ADGRE3: variants seen among roughly 807,000 people sequenced by gnomAD.
ADGRE3 encodes EGF-like module receptor 3.
A neutral mutation model predicts 80.1 loss-of-function variants in ADGRE3; 88 were observed. The observed-to-expected ratio is 1.10, with a 90% CI of 0.93 to 1.31. The LOEUF (loss-of-function observed/expected upper bound fraction) is 1.31, where lower values mean the gene tolerates loss of function less well. ADGRE3 is among the 40% of genes most tolerant of loss of function. The probability of loss-of-function intolerance (pLI) is 0.00; values close to 1 mark genes in which losing one functional copy is unlikely to be tolerated. For missense variants in ADGRE3, 715 were observed against 776.5 expected, an observed-to-expected ratio of 0.92 and a Z score of 0.94; for synonymous variants, 281 against 294.8, an observed-to-expected ratio of 0.95 and a Z score of 0.48.
At chr19:14,628,797 G>A in intron 14 of ADGRE3, 1 of 247,260 alleles carries the variant, frequency 4.0e-6, no homozygotes, top group South Asian at 4.8e-5. Context: ...GTTTGGGACA[G>A]TGACAGCTTT....
At chr19:14,651,281 G>C in intron 6 of ADGRE3, 77 bp from the exon 7 acceptor site, 1 of 1,505,320 alleles carries the variant, frequency 6.6e-7, no homozygotes, top group Admixed American at 1.7e-5. Context: ...AGGACATGGT[G>C]GTGCATGCCT....
At chr19:14,618,800 C>CA (rs1454538575), downstream of ADGRE3, among the ~76,000 whole-genome samples, 1 of 136,038 alleles carries the variant, frequency 7.4e-6, no homozygotes, top group African/African-American at 2.7e-5. Flanking sequence ...AGGTTGCACT[C>CA]ACGCCGTTGC....
the ADGRE3 span, among the ~76,000 whole-genome samples, chr19:14,605,959 C>T: frequency 1.3e-5 from 2 of 152,012 alleles, no homozygotes; most frequent in Non-Finnish European, 1.5e-5. Context: ...AGACTAATCT[C>T]GAACTCCTAG....
intron 8 of ADGRE3, among the ~76,000 whole-genome samples, chr19:14,645,016 G>A (rs960424666): frequency 6.6e-6 from 1 of 152,230 alleles, no homozygotes; most frequent in East Asian, 1.9e-4. Context: ...ATGAGCCGCT[G>A]TACCTGATTT....
rs1555755785 is a variant in ADGRE3 at position 14,636,081 on chromosome 19, C to CTTTCTTTTTCTTTCTTT, written c.1484+2023_1484+2024insAAAGAAAGAAAAAGAAA. Among the ~76,000 whole-genome samples, 22 of 24,680 alleles carry CTTTCTTTTTCTTTCTTT rather than the reference C, an allele frequency of 8.9e-4. 2 individuals are homozygous for CTTTCTTTTTCTTTCTTT. The highest frequency in any genetic ancestry group is 2.3e-3 in the South Asian group (1 of 442). 16.2% of individuals were successfully genotyped at this position (24,680 alleles called of 152,430 possible). ...CCTTCCTTTCCTTTCCTTTCCTTTC[C>CTTTCTTTTTCTTTCTTT]CTTTCTTTCTTTCTTTCTTTCTTTC... On this transcript the variant is annotated intron_variant, in intron 11 of 15. Coordinates refer to ENST00000253673, the MANE Select transcript of ADGRE3 (RefSeq NM_032571.5).
At chr19:14,647,410 C>CTTT (rs35043921) in intron 7 of ADGRE3, 45 bp from the exon 8 acceptor site, 288 of 940,974 alleles carry the variant, frequency 3.1e-4, no homozygotes, top group Middle Eastern at 3.7e-4. Context: ...TCTTTTCTTT[C>CTTT]TTTTTTTTTT....
chr19:14,617,019 TCCTGA>T (rs144410276), downstream of ADGRE3, among the ~76,000 whole-genome samples: 13,115 of 151,916 alleles, frequency 0.086, 600 homozygotes, highest in Non-Finnish European at 0.095. Context: ...GGTCTCGAAC[TCCTGA>T]CCTCAGGTGA....
chr19:14,615,861 G>A (rs1364279636), downstream of ADGRE3, among the ~76,000 whole-genome samples: 3 of 151,928 alleles, frequency 2.0e-5, no homozygotes, highest in African/African-American at 7.2e-5. Context: ...CTGGGTTCAA[G>A]CAATCCTCCC....
the ADGRE3 span, among the ~76,000 whole-genome samples, chr19:14,604,432 G>A: frequency 2.0e-5 from 3 of 152,068 alleles, no homozygotes; most frequent in Admixed American, 2.0e-4. Context: ...TATAACGACA[G>A]AAATATTTTC....
At chr19:14,619,086 G>A, downstream of ADGRE3, 1 of 299,830 alleles carries the variant, frequency 3.3e-6, no homozygotes, top group South Asian at 3.0e-5. Flanking sequence ...GGGTGACAGA[G>A]TGAAACTCTG....
intron 4 of ADGRE3, among the ~76,000 whole-genome samples, chr19:14,660,636 A>G (rs1971920725): frequency 6.6e-6 from 1 of 151,684 alleles, no homozygotes; most frequent in African/African-American, 2.4e-5. Context: ...AAAAAAAAAA[A>G]AAGTTTCTCT....
chr19:14,641,956 A>G (rs11881538), intron 9 of ADGRE3, among the ~76,000 whole-genome samples: 99,160 of 151,940 alleles, frequency 0.65, 32,473 homozygotes, highest in East Asian at 0.74. Flanking sequence ...TATTAAATGT[A>G]TACACTTTGA....
chr19:14,642,686 C>T (rs1435510471), intron 9 of ADGRE3, among the ~76,000 whole-genome samples: 1 of 152,144 alleles, frequency 6.6e-6, no homozygotes, highest in Non-Finnish European at 1.5e-5. Flanking sequence ...GTTTTCTGTT[C>T]CTGTGTTAGT....
intron 5 of ADGRE3, among the ~76,000 whole-genome samples, chr19:14,656,384 A>G (rs1282481073): frequency 6.6e-6 from 1 of 151,616 alleles, no homozygotes; most frequent in Admixed American, 6.6e-5. Flanking sequence ...AGAAAAAAAA[A>G]AAAGAAAGTA....
intron 14 of ADGRE3, among the ~76,000 whole-genome samples, chr19:14,625,873 C>A (rs190244195): frequency 1.3e-3 from 198 of 151,956 alleles, no homozygotes; most frequent in Non-Finnish European, 2.3e-3. Context: ...ATATGAGGTA[C>A]CTAAAGTAGT....
intron 13 of ADGRE3, among the ~76,000 whole-genome samples, chr19:14,630,661 A>C (rs1312740329): frequency 6.6e-6 from 1 of 151,736 alleles, no homozygotes. Context: ...AGATCCACCC[A>C]TCTTGGCCTC....
chr19:14,644,402 C>T (rs147713173), intron 8 of ADGRE3, 127 bp from the exon 9 acceptor site: 7,656 of 567,796 alleles, frequency 0.013, 84 homozygotes, highest in Non-Finnish European at 0.018. Flanking sequence ...CTCACTGCAA[C>T]CTCCGCTTCC....
At chr19:14,631,060 A>T (rs2894655) in intron 13 of ADGRE3, among the ~76,000 whole-genome samples, 21 of 151,984 alleles carry the variant, frequency 1.4e-4, no homozygotes, top group South Asian at 1.2e-3. Flanking sequence ...TTAGTAGAGA[A>T]GGGGTTTCAC....
At chr19:14,651,031 C>A in intron 7 of ADGRE3, 54 bp downstream of exon 7, 1 of 1,604,708 alleles carries the variant, frequency 6.2e-7, no homozygotes, top group South Asian at 1.1e-5. Flanking sequence ...CCCCATGACT[C>A]ACACAATGAC....
Sources: allele counts gnomAD v4.1 joint callset (sites outside exome capture counted in the v4.1 genomes callset), GRCh38; gene constraint gnomAD v4.1.1; transcripts MANE v1.5; gene names NCBI Gene and HGNC (gene_info 2026-07-23, HGNC 2026-07-21).